The following ROCK1 variants were observed in gnomAD, a reference collection of about 807,000 sequenced individuals.
ROCK1 encodes the protein Rho associated coiled-coil containing protein kinase 1.
In ROCK1, 36 loss-of-function variants were observed where a neutral mutation model predicts 196.8. That is an observed-to-expected ratio of 0.18 (90% CI 0.14 to 0.24). ROCK1 has a LOEUF of 0.24. Ranked by LOEUF, ROCK1 falls within the 10% of genes least tolerant of loss-of-function variation. ROCK1 has a pLI of 1.00. For missense variants in ROCK1, 920 were observed against 1,562.0 expected (o/e 0.59, Z 6.93); for synonymous variants, 443 against 515.9 (o/e 0.86, Z 1.91).
intron 1 of ROCK1, among the ~76,000 whole-genome samples, chr18:21,094,893 C>CA (rs577741704): frequency 2.8e-4 from 42 of 151,296 alleles, no homozygotes; most frequent in South Asian, 1.7e-3. Flanking sequence ...CTAAAAACAC[C>CA]AAAAAAATTA....
chr18:20,992,777 A>G, intron 17 of ROCK1, 54 bp downstream of exon 17: 1 of 1,033,948 alleles, frequency 9.7e-7, no homozygotes, highest in Non-Finnish European at 1.5e-6. Flanking sequence ...CTAGTAGTCT[A>G]TGATAATCAG....
chr18:21,008,028 C>A (rs760597904), intron 14 of ROCK1, 31 bp downstream of exon 14: 1 of 1,536,310 alleles, frequency 6.5e-7, no homozygotes, highest in Non-Finnish European at 8.9e-7. Context: ...GTTAGAAATT[C>A]TATCATTTTT....
At chr18:20,980,119 T>C in intron 21 of ROCK1, 115 bp from the exon 22 acceptor site, 5 of 1,263,076 alleles carry the variant, frequency 4.0e-6, no homozygotes, top group Admixed American at 3.7e-5. Flanking sequence ...CTCTCAAGTA[T>C]TTACCCATGA....
intron 20 of ROCK1, among the ~76,000 whole-genome samples, chr18:20,983,704 C>T (rs993229361): frequency 5.9e-5 from 9 of 151,712 alleles, no homozygotes; most frequent in Non-Finnish European, 8.8e-5. Context: ...AAACGGTGGC[C>T]CTAAAAGAGG....
chr18:21,069,231 T>C (rs1319775204), intron 2 of ROCK1, among the ~76,000 whole-genome samples: 3 of 152,130 alleles, frequency 2.0e-5, no homozygotes, highest in African/African-American at 7.2e-5. Context: ...TTTTAAAATA[T>C]GTTAATGTGG....
chr18:21,025,263 C>A (rs1452614000), intron 10 of ROCK1, among the ~76,000 whole-genome samples: 1 of 152,036 alleles, frequency 6.6e-6, no homozygotes, highest in East Asian at 1.9e-4. Flanking sequence ...TAGCTTAAGG[C>A]TATTTTAAAA....
At chr18:20,982,682 A>G in intron 21 of ROCK1, 81 bp downstream of exon 21, 1 of 686,292 alleles carries the variant, frequency 1.5e-6, no homozygotes, top group South Asian at 1.7e-5. Context: ...AAAGAATTAC[A>G]GTTCACATAA....
At chr18:21,099,564 C>T (rs995062433) in intron 1 of ROCK1, among the ~76,000 whole-genome samples, 12 of 152,048 alleles carry the variant, frequency 7.9e-5, no homozygotes, top group Non-Finnish European at 1.6e-4. Flanking sequence ...GGCAACACAG[C>T]GAGACTCCAT....
At chr18:21,106,137 G>C (rs1208289788) in intron 1 of ROCK1, among the ~76,000 whole-genome samples, 1 of 152,050 alleles carries the variant, frequency 6.6e-6, no homozygotes, top group African/African-American at 2.4e-5. Flanking sequence ...TGTCTCCTCC[G>C]CTCACCCGTT....
chr18:21,052,661 A>T (rs1225929168), intron 2 of ROCK1, among the ~76,000 whole-genome samples: 9 of 152,144 alleles, frequency 5.9e-5, no homozygotes, highest in Non-Finnish European at 1.3e-4. Context: ...GCGGCATTAG[A>T]TTCTCACAGG....
chr18:21,001,119 A>G (rs1416609715), intron 16 of ROCK1, among the ~76,000 whole-genome samples: 5 of 152,244 alleles, frequency 3.3e-5, no homozygotes, highest in Non-Finnish European at 5.9e-5. Flanking sequence ...CTACTGACAC[A>G]TGCTACAATA....
Position 21,047,760 on chromosome 18 carries a change from T to C in ROCK1, c.414+1332A>G, listed in dbSNP as rs75624957. Among the ~76,000 whole-genome samples the C allele has an allele frequency of 1.0e-2, 1,505 of 151,056 alleles. 29 individuals are homozygous for C. Among genetic ancestry groups the C allele is most frequent in the African/African-American group, 0.035 (1,416 of 41,036 alleles). Reference sequence around the variant, plus strand: ...TTGCAGTGAGCCGAGATCGCACCATTGCACTCCGGCCTGGGCGACAGAGCG... The same window carrying C: ...TTGCAGTGAGCCGAGATCGCACCATCGCACTCCGGCCTGGGCGACAGAGCG... On this transcript the variant is annotated intron_variant, in intron 4 of 32. Transcript: ENST00000399799.
chr18:21,111,347 A>C lies in ROCK1; in HGVS notation c.-437T>G. ...AGGGAGAAGAGGAAAGGCGAAAGCA[A>C]AGGGCGGGTGAGGAGCTGTGCCAGC... On this transcript the variant is annotated 5_prime_UTR_variant, in exon 1 of 33. Coordinates refer to ENST00000399799, the MANE Select transcript of ROCK1 (RefSeq NM_005406.3). This position sits in a 1 kb window ranked among gnomAD's most constrained non-coding sequence, Gnocchi z 4.2. The C allele has an allele frequency of 2.3e-6, 1 of 438,976 alleles. No homozygotes were observed. Among genetic ancestry groups the C allele is most frequent in the Non-Finnish European group, 4.0e-6 (1 of 250,300 alleles). 27.2% of individuals were successfully genotyped at this position (438,976 alleles called of 1,614,324 possible). A position where few individuals can be genotyped will look rare whatever the true frequency, so the allele number is the denominator to read the frequency against.
chr18:21,095,554 CATAG>C (rs2036606235), intron 1 of ROCK1, among the ~76,000 whole-genome samples: 1 of 151,992 alleles, frequency 6.6e-6, no homozygotes, highest in Non-Finnish European at 1.5e-5. Flanking sequence ...ATTTGCACAA[CATAG>C]ATAGAACTCA....
chr18:21,095,746 A>G (rs2036607755), intron 1 of ROCK1, among the ~76,000 whole-genome samples: 1 of 152,000 alleles, frequency 6.6e-6, no homozygotes, highest in African/African-American at 2.4e-5. Flanking sequence ...AAAAAAAACT[A>G]GCTAGAAAAA....
rs1232944537 is a variant in ROCK1, at chr18:20,959,357, G to T, written c.3512+483C>A. The stretch of plus-strand genomic sequence containing the variant: ...CTTCTGAGTAGCTGGGACTACAGGC[G>T]CCTGCCACCACGCCCAGCTAATTTT... On this transcript the variant is annotated intron_variant, in intron 29 of 32. Coordinates refer to ENST00000399799, the MANE Select transcript of ROCK1 (RefSeq NM_005406.3). 2.9e-4 allele frequency among the ~76,000 whole-genome samples: 42 copies of T among 146,814 alleles called. No homozygotes were observed. In the Admixed American group the frequency reaches 3.0e-3, roughly 10 times the overall value.
chr18:20,988,315 GCCTTGC>G, intron 18 of ROCK1, among the ~76,000 whole-genome samples: 1 of 152,114 alleles, frequency 6.6e-6, no homozygotes, highest in East Asian at 1.9e-4. Flanking sequence ...TAATCTGCCT[GCCTTGC>G]CCTCCCAAAG....
At position 21,070,619 on chromosome 18, in the gene ROCK1, GAAAC is replaced by G; in HGVS notation, c.94-10_94-7del. ...ACCAAAGCATCCAATCCATCCTAAA[GAAAC>G]AAACAAACAATGGTTAGTTTTTTGG... On this transcript the variant is annotated splice_polypyrimidine_tract_variant and splice_region_variant and intron_variant, in intron 1 of 32. Transcript: ENST00000399799. 2.5e-6 allele frequency: 4 copies of G among 1,591,262 alleles called. No homozygotes were observed. Among genetic ancestry groups the G allele is most frequent in the South Asian group, 1.1e-5 (1 of 87,148 alleles).
At chr18:21,087,364 C>T (rs1439297028) in intron 1 of ROCK1, among the ~76,000 whole-genome samples, 3 of 152,010 alleles carry the variant, frequency 2.0e-5, no homozygotes, top group Admixed American at 6.6e-5. Flanking sequence ...GTCTAGACAA[C>T]AATTCAAATT....
Sources: allele counts gnomAD v4.1 joint callset (sites outside exome capture counted in the v4.1 genomes callset), GRCh38; gene constraint gnomAD v4.1.1; non-coding constraint Gnocchi (gnomAD v3.1); transcripts MANE v1.5; gene names NCBI Gene and HGNC (gene_info 2026-07-23, HGNC 2026-07-21).